Variants in RAB27A observed in about 807,000 individuals in gnomAD.
RAB27A encodes RAB27A, member RAS oncogene family.
A neutral mutation model predicts 20.8 loss-of-function variants in RAB27A; 17 were observed. The ratio of observed to expected loss-of-function variants is 0.82; its 90% CI spans 0.56 to 1.23. The LOEUF is 1.23. RAB27A is among the 50% of genes most tolerant of loss of function. The pLI is 0.00. For missense variants in RAB27A, 277 were observed against 266.7 expected (o/e 1.04, Z -0.27); for synonymous variants, 85 against 92.8 (o/e 0.92, Z 0.48).
chr15:55,229,867 T>C (rs749527835), intron 4 of RAB27A, among the ~76,000 whole-genome samples: 30 of 152,302 alleles, frequency 2.0e-4, no homozygotes, highest in Non-Finnish European at 3.5e-4. Flanking sequence ...AGGTTTATCA[T>C]ATAATCCTTC....
intron 6 of RAB27A, among the ~76,000 whole-genome samples, chr15:55,220,487 T>A (rs761298358): frequency 1.3e-5 from 2 of 152,156 alleles, no homozygotes; most frequent in Non-Finnish European, 2.9e-5. Context: ...GCCAGGCTGG[T>A]CTAGAACTCC....
At chr15:55,212,145 G>A (rs989613051) in intron 6 of RAB27A, among the ~76,000 whole-genome samples, 1 of 152,008 alleles carries the variant, frequency 6.6e-6, no homozygotes, top group Non-Finnish European at 1.5e-5. Flanking sequence ...TTACATACAT[G>A]ATTCACTAAA....
intron 2 of RAB27A, among the ~76,000 whole-genome samples, chr15:55,302,283 C>G (rs961909092): frequency 6.6e-6 from 1 of 152,182 alleles, no homozygotes; most frequent in Non-Finnish European, 1.5e-5. Context: ...CTGTGTTGGC[C>G]GGGCCGGTCT....
At chr15:55,275,868 A>T (rs188774774) in intron 1 of RAB27A, among the ~76,000 whole-genome samples, 3 of 150,728 alleles carry the variant, frequency 2.0e-5, no homozygotes, top group Non-Finnish European at 1.5e-5. Flanking sequence ...AGAAATGCAA[A>T]TCAAAACCAC....
chr15:55,225,634 G>A (rs1895765609), intron 5 of RAB27A, among the ~76,000 whole-genome samples: 2 of 152,206 alleles, frequency 1.3e-5, no homozygotes, highest in South Asian at 2.1e-4. Context: ...AGAAGAGCAT[G>A]TAAGTATCAC....
intron 2 of RAB27A, among the ~76,000 whole-genome samples, chr15:55,295,597 A>C (rs1358302516): frequency 6.6e-6 from 1 of 152,254 alleles, no homozygotes; most frequent in East Asian, 1.9e-4. Flanking sequence ...TCAAACACAG[A>C]AGGTCACATA....
chr15:55,305,735 C>T (rs993881347), intron 2 of RAB27A, among the ~76,000 whole-genome samples: 1 of 152,298 alleles, frequency 6.6e-6, no homozygotes, highest in East Asian at 1.9e-4. Context: ...AAGTCTAAAA[C>T]TCTTTGATTT....
chr15:55,308,696 C>A (rs986384852), intron 2 of RAB27A, among the ~76,000 whole-genome samples: 4 of 152,200 alleles, frequency 2.6e-5, no homozygotes, highest in Non-Finnish European at 5.9e-5. Context: ...AAGAGTTGCA[C>A]AAATGCGCAG....
intron 3 of RAB27A, among the ~76,000 whole-genome samples, chr15:55,233,254 G>A (rs1896116207): frequency 6.6e-6 from 1 of 152,068 alleles, no homozygotes; most frequent in Non-Finnish European, 1.5e-5. Flanking sequence ...AGAAAACAGA[G>A]CCACATAAGA....
chr15:55,262,762 C>G (rs1897322249), intron 2 of RAB27A, among the ~76,000 whole-genome samples: 1 of 151,744 alleles, frequency 6.6e-6, no homozygotes, highest in Non-Finnish European at 1.5e-5. Flanking sequence ...CCTCCCTTGT[C>G]CAGGCTGGTC....
At chr15:55,261,588 A>G (rs893966182) in intron 2 of RAB27A, among the ~76,000 whole-genome samples, 1 of 149,796 alleles carries the variant, frequency 6.7e-6, no homozygotes, top group Admixed American at 6.7e-5. Flanking sequence ...AAAAAAAAAA[A>G]AAGTTAGCTA....
chr15:55,274,785 A>G (rs1303081255), intron 1 of RAB27A, among the ~76,000 whole-genome samples: 1 of 33,740 alleles, frequency 3.0e-5, no homozygotes, highest in Admixed American at 3.4e-4. Context: ...CCTTAAAAAA[A>G]TAAATAAATT....
intron 2 of RAB27A, chr15:55,269,659 T>C (rs1440789460): frequency 1.3e-5 from 2 of 152,164 alleles, no homozygotes; most frequent in Non-Finnish European, 2.9e-5. Context: ...GAGAATCACT[T>C]GATCCTGGGA....
chr15:55,281,484 G>T (rs1898014022), intron 1 of RAB27A, among the ~76,000 whole-genome samples: 1 of 152,184 alleles, frequency 6.6e-6, no homozygotes, highest in Non-Finnish European at 1.5e-5. Context: ...GGCCAAGGCA[G>T]GCAGATCACT....
chr15:55,287,006 G>A (rs1291527458), intron 1 of RAB27A, among the ~76,000 whole-genome samples: 2 of 128,718 alleles, frequency 1.6e-5, no homozygotes, highest in Admixed American at 1.0e-4. Flanking sequence ...TGCAACCTCC[G>A]CCTCCTGGGT....
chr15:55,206,675 T>G (rs1894666408), intron 6 of RAB27A, among the ~76,000 whole-genome samples: 1 of 152,212 alleles, frequency 6.6e-6, no homozygotes, highest in African/African-American at 2.4e-5. Flanking sequence ...ATTATTGGTA[T>G]GAAAGCCGTT....
intron 1 of RAB27A, among the ~76,000 whole-genome samples, chr15:55,277,567 A>G (rs1897909719): frequency 6.6e-6 from 1 of 152,068 alleles, no homozygotes; most frequent in South Asian, 2.1e-4. Flanking sequence ...CCCTCACCAC[A>G]GTAATCAGTG....
intron 6 of RAB27A, among the ~76,000 whole-genome samples, chr15:55,210,864 C>G (rs1894993753): frequency 6.6e-6 from 1 of 152,058 alleles, no homozygotes; most frequent in Non-Finnish European, 1.5e-5. Flanking sequence ...GAGTGTTTCC[C>G]AAATGTTTTC....
chr15:55,213,677 G>A (rs572799217), intron 6 of RAB27A, among the ~76,000 whole-genome samples: 161 of 152,270 alleles, frequency 1.1e-3, no homozygotes, highest in Admixed American at 1.6e-3. Context: ...GCCATATTGT[G>A]AACTGCCCAT....
Sources: allele counts gnomAD v4.1 joint callset (sites outside exome capture counted in the v4.1 genomes callset), GRCh38; gene constraint gnomAD v4.1.1; transcripts MANE v1.5; gene names NCBI Gene and HGNC (gene_info 2026-07-23, HGNC 2026-07-21).